MLLT3: variants seen among roughly 807,000 people sequenced by gnomAD.
MLLT3 encodes the protein MLLT3 super elongation complex subunit.
Under a neutral mutation model 53.2 loss-of-function variants are expected in MLLT3, and 4 were observed. The observed-to-expected ratio is 0.08, with a 90% CI of 0.04 to 0.17. The LOEUF is 0.17. Among genes scored for constraint, MLLT3 ranks in the 10% least tolerant of loss-of-function variants. The pLI, the probability that MLLT3 is intolerant of heterozygous loss-of-function variation, is 1.00. For missense variants in MLLT3, 569 were observed against 684.0 expected, an observed-to-expected ratio of 0.83 and a Z score of 1.87; for synonymous variants, 283 against 230.6, an observed-to-expected ratio of 1.23 and a Z score of -2.06.
At chr9:20,604,188 T>C (rs1820508169) in intron 2 of MLLT3, among the ~76,000 whole-genome samples, 1 of 152,002 alleles carries the variant, frequency 6.6e-6, no homozygotes, top group Non-Finnish European at 1.5e-5. Context: ...GGACCCAACA[T>C]TGTTGAAATT....
intron 5 of MLLT3, among the ~76,000 whole-genome samples, chr9:20,370,875 T>G (rs1821581617): frequency 6.6e-6 from 1 of 152,162 alleles, no homozygotes; most frequent in Non-Finnish European, 1.5e-5. Context: ...TGTCAAGAGG[T>G]GACAGGCCAA....
In MLLT3 at chr9:20,363,521, G is replaced by A; in HGVS notation, c.1286C>T (p.Ser429Phe). 6.2e-7 allele frequency: 1 copy of A among 1,614,098 alleles called. No homozygotes were observed. Among genetic ancestry groups the A allele is most frequent in the Non-Finnish European group, 8.5e-7 (1 of 1,179,984 alleles). ...SDEVEDNDNDSEMERPVNRGG... is the reference protein window; with the variant it reads ...SDEVEDNDNDFEMERPVNRGG... The stretch of plus-strand genomic sequence containing the variant: ...TCTATTTACAGGCCTCTCCATTTCA[G>A]AGTCATTGTCGTTATCCTCCACTTC... Residue 429 changes from serine to phenylalanine, a missense_variant, in exon 7 of 11, where the codon TCT (serine) becomes TTT (phenylalanine). This residue lies in a region of MLLT3 where 437 missense variants were observed against 376.5 expected (regional missense o/e 1.16). Coordinates refer to ENST00000380338, the MANE Select transcript of MLLT3 (RefSeq NM_004529.4).
At chr9:20,606,203 C>A (rs960798320) in intron 2 of MLLT3, among the ~76,000 whole-genome samples, 1 of 151,972 alleles carries the variant, frequency 6.6e-6, no homozygotes, top group African/African-American at 2.4e-5. Flanking sequence ...GTAAAATCTC[C>A]CATGGAGATT....
chr9:20,501,588 A>G (rs569112340), intron 2 of MLLT3, among the ~76,000 whole-genome samples: 5 of 151,830 alleles, frequency 3.3e-5, no homozygotes, highest in East Asian at 3.9e-4. Flanking sequence ...CGTCTCTACT[A>G]AAAATACAAA....
At chr9:20,575,764 T>C (rs1819637442) in intron 2 of MLLT3, among the ~76,000 whole-genome samples, 1 of 152,200 alleles carries the variant, frequency 6.6e-6, no homozygotes, top group Admixed American at 6.5e-5. Context: ...ATCCAGGCTT[T>C]GTTGTTCCAT....
rs760019448 is a variant in MLLT3 at position 20,365,749 on chromosome 9, AAAG to A, written c.1126-8_1126-6del. ...GGCAGGACTGGGTTGTTCAGACTTTAAAGAAGAATAAAAAGGCACCATCAATAA... is the reference window on the plus strand; with the variant it reads ...GGCAGGACTGGGTTGTTCAGACTTTAAAGAATAAAAAGGCACCATCAATAA... On this transcript the variant is annotated splice_polypyrimidine_tract_variant and splice_region_variant and intron_variant, in intron 5 of 10. Transcript: ENST00000380338. 6.2e-7 allele frequency: 1 copy of A among 1,614,170 alleles called. No individual in the cohort carries two copies. Among genetic ancestry groups the A allele is most frequent in the South Asian group, 1.1e-5 (1 of 91,074 alleles).
At chr9:20,434,264 C>T (rs1019410830) in intron 4 of MLLT3, among the ~76,000 whole-genome samples, 16 of 152,106 alleles carry the variant, frequency 1.1e-4, no homozygotes, top group African/African-American at 3.9e-4. Flanking sequence ...TAAGAGAATG[C>T]CCTTGTTTGC....
At chr9:20,362,025 C>T (rs948095196) in intron 7 of MLLT3, among the ~76,000 whole-genome samples, 13 of 152,158 alleles carry the variant, frequency 8.5e-5, no homozygotes, top group African/African-American at 2.9e-4. Flanking sequence ...ATGAAGTGTT[C>T]AGTTGAAGTG....
At chr9:20,398,744 T>C (rs1467928983) in intron 5 of MLLT3, among the ~76,000 whole-genome samples, 1 of 152,156 alleles carries the variant, frequency 6.6e-6, no homozygotes, top group Non-Finnish European at 1.5e-5. Flanking sequence ...GAAATTTCTC[T>C]GAAAACTATT....
At chr9:20,613,833 T>C (rs1172415397) in intron 2 of MLLT3, among the ~76,000 whole-genome samples, 2 of 152,130 alleles carry the variant, frequency 1.3e-5, no homozygotes, top group Non-Finnish European at 2.9e-5. Context: ...AGTTTGGTAA[T>C]ATATAACAAA....
chr9:20,376,676 T>C (rs549429765), intron 5 of MLLT3, among the ~76,000 whole-genome samples: 1 of 152,292 alleles, frequency 6.6e-6, no homozygotes, highest in South Asian at 2.1e-4. Context: ...TTTCCACACT[T>C]AGGGATGGCT....
intron 2 of MLLT3, among the ~76,000 whole-genome samples, chr9:20,547,732 C>T (rs1447399247): frequency 6.6e-6 from 1 of 151,416 alleles, no homozygotes; most frequent in Non-Finnish European, 1.5e-5. Flanking sequence ...AGATAGATCA[C>T]TTGGGCCCAG....
chr9:20,492,059 G>GA (rs1246100062), intron 2 of MLLT3, among the ~76,000 whole-genome samples: 1 of 151,612 alleles, frequency 6.6e-6, no homozygotes, highest in African/African-American at 2.4e-5. Flanking sequence ...AACCTATTTA[G>GA]AAAAAAAGAG....
At position 20,354,836 on chromosome 9, in the gene MLLT3, T is replaced by G. The variant is rs1294098643; in HGVS notation, c.1475A>C (p.Lys492Thr). Residue 492 changes from lysine (K) to threonine (T), a missense_variant, in exon 9 of 11, where the codon AAG becomes ACG. By Grantham distance (78) the Lys-to-Thr change is moderately conservative. Around this residue, in one of 5 missense-constraint regions of MLLT3, gnomAD observed 437 missense variants for 376.5 expected, o/e 1.16. Coordinates refer to ENST00000380338, the MANE Select transcript of MLLT3 (RefSeq NM_004529.4). Reference protein sequence around the residue: ...KSPIKQSKSDKQIKNGECDKA... With the variant: ...KSPIKQSKSDTQIKNGECDKA... ...GTCACATTCACCATTCTTTATTTGC[T>G]TATCTGATTTGCTTTGCTTTATTGG... The G allele has an allele frequency of 1.9e-6, 3 of 1,612,710 alleles. No homozygotes were observed. Among genetic ancestry groups the G allele is most frequent in the Non-Finnish European group, 2.5e-6 (3 of 1,178,902 alleles).
intron 5 of MLLT3, chr9:20,382,412 G>A (rs2118699659): frequency 6.6e-6 from 1 of 152,024 alleles, no homozygotes; most frequent in African/African-American, 2.4e-5. Flanking sequence ...TAGCCCTCAG[G>A]AAAACAGAAG....
At chr9:20,422,828 G>A (rs1823046230) in intron 4 of MLLT3, among the ~76,000 whole-genome samples, 1 of 152,176 alleles carries the variant, frequency 6.6e-6, no homozygotes, top group Non-Finnish European at 1.5e-5. Flanking sequence ...TGGTAGCAAT[G>A]TGGGACAGTG....
At chr9:20,612,165 T>C (rs1254970737) in intron 2 of MLLT3, among the ~76,000 whole-genome samples, 3 of 152,204 alleles carry the variant, frequency 2.0e-5, no homozygotes, top group Non-Finnish European at 2.9e-5. Flanking sequence ...CCACCATTTA[T>C]TACTAGTTAT....
rs533176959 is a variant in MLLT3, at chr9:20,542,804, G to A, written c.193+77850C>T. Among the ~76,000 whole-genome samples the A allele has an allele frequency of 3.9e-5, 6 of 152,258 alleles. No individual in the cohort carries two copies. The East Asian group carries it at 5.8e-4, about 15-fold the overall frequency. On this transcript the variant is annotated intron_variant, in intron 2 of 10. Transcript: ENST00000380338. ...TAGGCATTGACTCCTCATCCTGGAT[G>A]GTATCTTCACCATTAGAAAGCTGTT...
rs1261700195 is a variant in MLLT3 at position 20,622,328 on chromosome 9, T to G, written c.-72A>C. On this transcript the variant is annotated 5_prime_UTR_variant, in exon 1 of 11. Coordinates refer to ENST00000380338, the MANE Select transcript of MLLT3 (RefSeq NM_004529.4). ...CTCCTCCGCCCCCCCTCAGCTGTAA[T>G]TCATGAAGAGGCTGCTATGAATGAG... The G allele has an allele frequency of 1.5e-6, 2 of 1,370,738 alleles. No homozygotes were observed. Among genetic ancestry groups the G allele is most frequent in the Non-Finnish European group, 2.0e-6 (2 of 1,015,922 alleles). The allele number at this position is 1,370,738 out of a possible 1,614,324, so 84.9% of individuals were successfully genotyped here. A position where few individuals can be genotyped will look rare whatever the true frequency, so the allele number is the denominator to read the frequency against.
Sources: gnomAD v4.1 joint callset for allele counts (sites outside exome capture counted in the v4.1 genomes callset) on GRCh38, gnomAD v4.1.1 for gene constraint, gnomAD v4.1.1 regional missense constraint, MANE v1.5 for transcripts, NCBI Gene and HGNC (gene_info 2026-07-23, HGNC 2026-07-21) for gene names.